RRM2: variants seen among roughly 807,000 people sequenced by gnomAD.
RRM2 encodes ribonucleotide reductase regulatory subunit M2.
RRM2 carries 6 observed loss-of-function variants against 45.9 expected under a neutral mutation model. The observed-to-expected ratio is 0.13, with a 90% CI of 0.07 to 0.26. The LOEUF (loss-of-function observed/expected upper bound fraction) is 0.26. Ranked by LOEUF, RRM2 falls within the 10% of genes least tolerant of loss-of-function variation. RRM2 has a pLI of 1.00. For missense variants in RRM2, 343 were observed against 489.5 expected, an observed-to-expected ratio of 0.70 and a Z score of 2.82; for synonymous variants, 177 against 173.0, an observed-to-expected ratio of 1.02 and a Z score of -0.18.
At chr2:10,146,835 C>T (rs1432978756) in intron 3 of RRM2, among the ~76,000 whole-genome samples, 2 of 152,198 alleles carry the variant, frequency 1.3e-5, no homozygotes, top group African/African-American at 4.8e-5. Flanking sequence ...GAAATGCCTG[C>T]GTTTGGGTGC....
At chr2:10,128,792 T>C in intron 7 of RRM2, 56 bp from the exon 8 acceptor site, 1 of 1,216,416 alleles carries the variant, frequency 8.2e-7, no homozygotes, top group South Asian at 1.2e-5. Context: ...AATTTCATAT[T>C]CCATGTTAAT....
downstream of RRM2, among the ~76,000 whole-genome samples, chr2:10,132,845 C>G (rs1017715172): frequency 3.3e-5 from 5 of 152,144 alleles, no homozygotes; most frequent in African/African-American, 1.2e-4. Context: ...TGTGGGTGGC[C>G]TGCAGTCTGT....
intron 3 of RRM2, among the ~76,000 whole-genome samples, chr2:10,182,263 G>A (rs548634398): frequency 2.2e-4 from 34 of 151,962 alleles, no homozygotes; most frequent in African/African-American, 5.1e-4. Context: ...GCTTAAACCC[G>A]GGAGGCGGAG....
At position 10,131,218 on chromosome 2, in the gene RRM2, G is replaced by C. The variant is rs1166359293; in HGVS notation, c.*1832G>C. ...GTACAACATTAAAATGAAAGGCTTT[G>C]TCTTGCATTGTGAGGTACAGGCGGA... On this transcript the variant is annotated 3_prime_UTR_variant, in exon 10 of 10. Transcript: ENST00000304567. 2 of 152,146 alleles carry C rather than the reference G, an allele frequency of 1.3e-5. No homozygotes were observed. The highest frequency in any genetic ancestry group is 2.4e-5 in the African/African-American group (1 of 41,438). 9.4% of individuals were successfully genotyped at this position (152,146 alleles called of 1,614,324 possible).
intron 3 of RRM2, among the ~76,000 whole-genome samples, chr2:10,162,318 C>T (rs1034708131): frequency 6.6e-6 from 1 of 152,196 alleles, no homozygotes. Context: ...CCACAGCAGG[C>T]TTTGGGATGC....
chr2:10,123,777 A>G lies in RRM2; in HGVS notation c.360A>G (p.Lys120=), dbSNP rs1662721803. The change falls in exon 4 of 10, where the codon AAA becomes AAG. Residue 120 remains lysine, a synonymous_variant. Coordinates refer to ENST00000304567, the MANE Select transcript of RRM2 (RefSeq NM_001034.4). ...SKDIQHWESL[K]PEERYFISHV... ...ACATTCAGCACTGGGAATCCCTGAA[A>G]CCCGAGGAGAGATATTTTATATCCC... is the stretch of plus-strand genomic sequence containing the variant. 1.2e-6 allele frequency: 2 copies of G among 1,612,828 alleles called. No homozygotes were observed. Among genetic ancestry groups the G allele is most frequent in the South Asian group, 1.1e-5 (1 of 91,050 alleles).
At chr2:10,155,460 T>C (rs1663404190) in intron 3 of RRM2, among the ~76,000 whole-genome samples, 1 of 151,734 alleles carries the variant, frequency 6.6e-6, no homozygotes, top group Non-Finnish European at 1.5e-5. Context: ...GATGTGGGCC[T>C]GGAATTAGAC....
intron 3 of RRM2, among the ~76,000 whole-genome samples, chr2:10,175,651 G>T (rs1236390435): frequency 6.6e-6 from 1 of 152,184 alleles, no homozygotes; most frequent in East Asian, 1.9e-4. Flanking sequence ...AGGCGGGAGT[G>T]CAGTGGCGCA....
chr2:10,162,057 C>T (rs1475185381), intron 3 of RRM2, among the ~76,000 whole-genome samples: 1 of 152,246 alleles, frequency 6.6e-6, no homozygotes, highest in Non-Finnish European at 1.5e-5. Context: ...TCAGGCCCTT[C>T]TGGCACCATC....
At chr2:10,158,312 C>G in intron 3 of RRM2, among the ~76,000 whole-genome samples, 1 of 152,174 alleles carries the variant, frequency 6.6e-6, no homozygotes, top group East Asian at 1.9e-4. Flanking sequence ...CGCTCGCGAA[C>G]TTCCTGCGCA....
intron 3 of RRM2, among the ~76,000 whole-genome samples, chr2:10,166,485 C>T (rs935427282): frequency 5.3e-5 from 8 of 152,216 alleles, no homozygotes; most frequent in South Asian, 2.1e-4. Context: ...TCAGGGATAC[C>T]GCGTGTGCTC....
chr2:10,199,455 TTCTC>T (rs1399314865), intron 3 of RRM2, among the ~76,000 whole-genome samples: 2 of 151,992 alleles, frequency 1.3e-5, no homozygotes, highest in Non-Finnish European at 2.9e-5. Flanking sequence ...TGAAACACAA[TTCTC>T]TCTCTCCAGT....
chr2:10,122,824 C>T lies in RRM2; in HGVS notation c.26C>T (p.Ala9Val), dbSNP rs781466345. Residue 9 changes from alanine to valine, a missense_variant, in exon 1 of 10, where the codon GCG becomes GTG. Ala to Val is a moderately conservative substitution (Grantham distance 64, BLOSUM62 0). Coordinates refer to ENST00000304567, the MANE Select transcript of RRM2 (RefSeq NM_001034.4). The part of the protein sequence containing the change: MLSLRVPL[A>V]PITDPQQLQL... ...ATGCTCTCCCTCCGTGTCCCGCTCG[C>T]GCCCATCACGGACCCGCAGCAGCTG... 8 of 1,597,848 alleles carry T rather than the reference C, an allele frequency of 5.0e-6. No individual in the cohort carries two copies. Among genetic ancestry groups the T allele is most frequent in the Non-Finnish European group, 6.0e-6 (7 of 1,173,840 alleles).
chr2:10,148,495 C>G (rs1663241100), intron 3 of RRM2, among the ~76,000 whole-genome samples: 1 of 152,210 alleles, frequency 6.6e-6, no homozygotes, highest in Non-Finnish European at 1.5e-5. Context: ...TTAGGCCACA[C>G]TTTCTTTCCT....
At chr2:10,158,320 G>A (rs931060463) in intron 3 of RRM2, among the ~76,000 whole-genome samples, 4 of 152,158 alleles carry the variant, frequency 2.6e-5, no homozygotes, top group South Asian at 2.1e-4. Context: ...AACTTCCTGC[G>A]CATCATTATT....
In RRM2 at chr2:10,183,647, C is replaced by T. The variant is rs192187275; in HGVS notation, n.483-26664C>T. 7.2e-5 allele frequency among the ~76,000 whole-genome samples: 11 copies of T among 151,964 alleles called. No homozygotes were observed. The South Asian group carries it at 8.3e-4, about 11-fold the overall frequency. The stretch of plus-strand genomic sequence containing the variant: ...GGCAGATCACTTGAGGTCAGGAGCT[C>T]GAGACCAGCCTGGCCAAAATGGCAA... On this transcript the variant is annotated intron_variant and non_coding_transcript_variant, in intron 3 of 3. Coordinates refer to the RRM2 transcript ENST00000381786.
rs1397332528 is a variant in RRM2, at chr2:10,124,788, A to G, written c.507A>G (p.Glu169=). ...TCTATGGCTTCCAAATTGCCATGGA[A>G]AACATACATTCTGAAATGTATAGTC... ...RCFYGFQIAM[E]NIHSEMYSLL... The change falls in exon 5 of 10, where the codon GAA becomes GAG. Residue 169 remains glutamate, a synonymous_variant. Transcript: ENST00000304567. The G allele has an allele frequency of 1.2e-6, 2 of 1,612,706 alleles. No individual in the cohort carries two copies. The highest frequency in any genetic ancestry group is 8.5e-7 in the Non-Finnish European group (1 of 1,179,486).
At position 10,169,197 on chromosome 2, in the gene RRM2, G is replaced by A. The variant is rs1317092942; in HGVS notation, n.482+26822G>A. Among the ~76,000 whole-genome samples, 5 of 148,708 alleles carry A rather than the reference G, an allele frequency of 3.4e-5. No homozygotes were observed. The highest frequency in any genetic ancestry group is 2.1e-4 in the South Asian group (1 of 4,718). ...GGGTCTCACAGTGTTGCCCAGGCTAGTTTTGAACTCCCGGGCTCAATCCTC... is the reference window on the plus strand; with the variant it reads ...GGGTCTCACAGTGTTGCCCAGGCTAATTTTGAACTCCCGGGCTCAATCCTC... On this transcript the variant is annotated intron_variant and non_coding_transcript_variant, in intron 3 of 3. Coordinates refer to the RRM2 transcript ENST00000381786. The surrounding 1 kb of genome is among the most constrained non-coding windows in gnomAD (Gnocchi z 5.1).
rs1471458066 is a variant in RRM2 at position 10,169,119 on chromosome 2, C to T, written n.482+26744C>T. Among the ~76,000 whole-genome samples the T allele has an allele frequency of 6.6e-6, 1 of 151,492 alleles. No homozygotes were observed. The highest frequency in any genetic ancestry group is 1.5e-5 in the Non-Finnish European group (1 of 67,948). ...TTCCAAGTAGCTGGGACTACAGGCA[C>T]ATGTCACCATGCCCAGCTACTTTTT... On this transcript the variant is annotated intron_variant and non_coding_transcript_variant, in intron 3 of 3. Coordinates refer to the RRM2 transcript ENST00000381786. This position sits in a 1 kb window ranked among gnomAD's most constrained non-coding sequence, Gnocchi z 5.1.
Sources: gnomAD v4.1 joint callset for allele counts (sites outside exome capture counted in the v4.1 genomes callset) on GRCh38, gnomAD v4.1.1 for gene constraint, Gnocchi (gnomAD v3.1) non-coding constraint, MANE v1.5 for transcripts, NCBI Gene and HGNC (gene_info 2026-07-23, HGNC 2026-07-21) for gene names.